PTPRE: variants seen among roughly 807,000 people sequenced by gnomAD.
PTPRE encodes receptor-type tyrosine-protein phosphatase epsilon.
A neutral mutation model predicts 102.0 loss-of-function variants in PTPRE; 51 were observed. The observed-to-expected ratio is 0.50, with a 90% CI of 0.40 to 0.63. The LOEUF (loss-of-function observed/expected upper bound fraction) is 0.63. PTPRE is among the 30% of genes least tolerant of loss of function. The pLI, the probability that PTPRE is intolerant of heterozygous loss-of-function variation, is 0.00. For missense variants in PTPRE, 752 were observed against 915.1 expected (o/e 0.82, Z 2.30); for synonymous variants, 345 against 348.2 (o/e 0.99, Z 0.10).
intron 2 of PTPRE, chr10:127,998,818 A>T (rs1216724386): frequency 6.6e-6 from 1 of 151,996 alleles, no homozygotes; most frequent in Non-Finnish European, 1.5e-5. Context: ...TGGTCAACCC[A>T]TACAATGTGA....
At chr10:127,969,695 G>A (rs1035468338) in intron 1 of PTPRE, among the ~76,000 whole-genome samples, 1 of 137,472 alleles carries the variant, frequency 7.3e-6, no homozygotes, top group African/African-American at 2.5e-5. Flanking sequence ...GGGGCGGGGG[G>A]ATGATGCAGA....
intron 2 of PTPRE, chr10:127,999,828 G>C: frequency 1.0e-6 from 1 of 985,410 alleles, no homozygotes; most frequent in Non-Finnish European, 1.2e-6. Flanking sequence ...GGAATACTCA[G>C]TAAATGATGT....
chr10:127,982,012 T>C (rs1045021769), intron 1 of PTPRE, among the ~76,000 whole-genome samples: 2 of 152,044 alleles, frequency 1.3e-5, no homozygotes, highest in African/African-American at 4.8e-5. Context: ...TGATGGAGCA[T>C]CTTGGGGGCT....
intron 2 of PTPRE, among the ~76,000 whole-genome samples, chr10:128,006,478 C>T (rs987795781): frequency 6.6e-6 from 1 of 152,096 alleles, no homozygotes; most frequent in African/African-American, 2.4e-5. Context: ...AAATAGAGTC[C>T]AGGAGGTTTA....
At chr10:128,010,271 A>G (rs1321766433) in intron 2 of PTPRE, among the ~76,000 whole-genome samples, 1 of 152,206 alleles carries the variant, frequency 6.6e-6, no homozygotes, top group Admixed American at 6.5e-5. Flanking sequence ...CCACACACAG[A>G]AAATGGCAGA....
At chr10:127,987,937 G>A (rs1852235538) in intron 2 of PTPRE, among the ~76,000 whole-genome samples, 1 of 152,248 alleles carries the variant, frequency 6.6e-6, no homozygotes, top group South Asian at 2.1e-4. Context: ...AGGCTCCTGA[G>A]GCCAGGGCCG....
chr10:127,937,162 A>G (rs1166248882), intron 1 of PTPRE, among the ~76,000 whole-genome samples: 1 of 152,204 alleles, frequency 6.6e-6, no homozygotes, highest in Non-Finnish European at 1.5e-5. Context: ...CATTTTATTC[A>G]TGGCATCAAG....
intron 1 of PTPRE, among the ~76,000 whole-genome samples, chr10:127,968,586 T>A (rs554789765): frequency 3.9e-5 from 6 of 152,220 alleles, no homozygotes; most frequent in Non-Finnish European, 7.3e-5. Context: ...CACAGAAAGG[T>A]TTGAGGCAAT....
chr10:127,987,199 G>T (rs1364696488), intron 2 of PTPRE: 2 of 512,014 alleles, frequency 3.9e-6, no homozygotes, highest in African/African-American at 4.0e-5. Flanking sequence ...AAAGGCATGG[G>T]CGTTAATCAG....
At chr10:128,049,477 C>A in intron 5 of PTPRE, 53 bp from the exon 6 acceptor site, 1 of 1,596,746 alleles carries the variant, frequency 6.3e-7, no homozygotes, top group Non-Finnish European at 8.6e-7. Flanking sequence ...GTTACTCAGT[C>A]GCCTATCCAG....
intron 2 of PTPRE, among the ~76,000 whole-genome samples, chr10:127,986,555 C>A (rs1348057458): frequency 3.1e-4 from 47 of 152,184 alleles, no homozygotes; most frequent in Admixed American, 3.0e-3. Context: ...CTGTGAGTTT[C>A]AATTTTAAAA....
chr10:127,967,830 G>T (rs1850374344), intron 1 of PTPRE, among the ~76,000 whole-genome samples: 1 of 152,094 alleles, frequency 6.6e-6, no homozygotes, highest in Admixed American at 6.5e-5. Flanking sequence ...GGTAACCATT[G>T]TCCCCACTTC....
chr10:127,974,547 C>T (rs919943909), intron 1 of PTPRE, among the ~76,000 whole-genome samples: 14 of 152,156 alleles, frequency 9.2e-5, no homozygotes, highest in African/African-American at 3.4e-4. Flanking sequence ...TGCATTTCAA[C>T]GATCTGTTTA....
At chr10:128,064,480 AG>A (rs952453371) in intron 10 of PTPRE, among the ~76,000 whole-genome samples, 5 of 152,200 alleles carry the variant, frequency 3.3e-5, no homozygotes, top group Non-Finnish European at 5.9e-5. Flanking sequence ...GCCATGGAGG[AG>A]GACACCCACG....
At chr10:127,918,084 G>T (rs954022877) in intron 1 of PTPRE, among the ~76,000 whole-genome samples, 3 of 152,006 alleles carry the variant, frequency 2.0e-5, no homozygotes, top group Non-Finnish European at 4.4e-5. Context: ...GCTCACAGGG[G>T]GTGATGTCTC....
Position 128,082,324 on chromosome 10 carries a change from G to A in PTPRE, c.2029-508G>A, listed in dbSNP as rs577264140. 2.7e-5 allele frequency among the ~76,000 whole-genome samples: 4 copies of A among 145,862 alleles called. No individual in the cohort carries two copies. The East Asian group carries it at 8.3e-4, about 30-fold the overall frequency. ...CCTCCTGGGCTCAAGGAATCCTCCTGTCTCCGCTTCCCAAGTAGCTGGGAC... is the reference window on the plus strand; with the variant it reads ...CCTCCTGGGCTCAAGGAATCCTCCTATCTCCGCTTCCCAAGTAGCTGGGAC... On this transcript the variant is annotated intron_variant, in intron 20 of 20. Transcript: ENST00000254667.
At chr10:128,023,118 G>A (rs1172665133) in intron 2 of PTPRE, among the ~76,000 whole-genome samples, 1 of 152,150 alleles carries the variant, frequency 6.6e-6, no homozygotes, top group Non-Finnish European at 1.5e-5. Context: ...AGAGAGAAGA[G>A]AGAGACCACA....
At chr10:128,062,648 C>A (rs1410257757) in intron 9 of PTPRE, among the ~76,000 whole-genome samples, 4 of 152,214 alleles carry the variant, frequency 2.6e-5, no homozygotes, top group African/African-American at 4.8e-5. Flanking sequence ...TCACATCCCC[C>A]TCCCGAGGGA....
chr10:128,032,767 G>A (rs1163461802), intron 2 of PTPRE, among the ~76,000 whole-genome samples: 1 of 152,144 alleles, frequency 6.6e-6, no homozygotes, highest in Admixed American at 6.5e-5. Flanking sequence ...ACAGGGTAGA[G>A]GATTTTGAAA....
Sources: allele counts gnomAD v4.1 joint callset (sites outside exome capture counted in the v4.1 genomes callset), GRCh38; gene constraint gnomAD v4.1.1; transcripts MANE v1.5; gene names NCBI Gene and HGNC (gene_info 2026-07-23, HGNC 2026-07-21).